Variants in DDX10 observed in about 807,000 individuals in gnomAD.
The protein encoded by DDX10 is probable ATP-dependent RNA helicase DDX10.
DDX10 carries 74 observed loss-of-function variants against 104.3 expected under a neutral mutation model. That is an observed-to-expected ratio of 0.71 (90% CI 0.59 to 0.86). DDX10 has a LOEUF of 0.86. Among genes scored for constraint, DDX10 ranks in the 40% least tolerant of loss-of-function variants. The pLI is 0.00. For missense variants in DDX10, 952 were observed against 1,040.0 expected (o/e 0.92, Z 1.16); for synonymous variants, 351 against 353.4 (o/e 0.99, Z 0.08).
intron 16 of DDX10, among the ~76,000 whole-genome samples, chr11:108,872,583 C>T (rs978527733): frequency 6.6e-6 from 1 of 152,130 alleles, no homozygotes; most frequent in Admixed American, 6.5e-5. Flanking sequence ...CTTGTTTTAA[C>T]AGCAAAAATA....
At chr11:108,735,170 A>T (rs1459230976) in intron 13 of DDX10, among the ~76,000 whole-genome samples, 9 of 152,220 alleles carry the variant, frequency 5.9e-5, no homozygotes, top group Admixed American at 5.2e-4. Flanking sequence ...GGTGACAGTT[A>T]GAATTAAATC....
At chr11:108,697,910 T>C (rs2134454581) in intron 9 of DDX10, among the ~76,000 whole-genome samples, 1 of 152,304 alleles carries the variant, frequency 6.6e-6, no homozygotes, top group Middle Eastern at 3.4e-3. Flanking sequence ...GGGTAGAAGA[T>C]GGGCATTTAT....
intron 8 of DDX10, 81 bp from the exon 9 acceptor site, chr11:108,693,435 C>T (rs1401584959): frequency 2.0e-6 from 2 of 996,588 alleles, no homozygotes; most frequent in Non-Finnish European, 3.2e-6. Flanking sequence ...AAAGTCCTGG[C>T]AAGCAATATT....
intron 1 of DDX10, among the ~76,000 whole-genome samples, chr11:108,667,343 G>C (rs2094211404): frequency 1.3e-5 from 2 of 152,216 alleles, no homozygotes; most frequent in Admixed American, 6.5e-5. Flanking sequence ...CTGCTAGAAT[G>C]ATTCTTTCCA....
intron 10 of DDX10, among the ~76,000 whole-genome samples, chr11:108,713,659 G>A (rs2134467558): frequency 6.6e-6 from 1 of 152,272 alleles, no homozygotes; most frequent in South Asian, 2.1e-4. Context: ...TGGTTATGAT[G>A]CTTGCTCTGT....
At chr11:108,857,200 A>G (rs190219901) in intron 16 of DDX10, among the ~76,000 whole-genome samples, 3 of 151,660 alleles carry the variant, frequency 2.0e-5, no homozygotes, top group East Asian at 1.9e-4. Flanking sequence ...TTCTTTTTCT[A>G]TGTAAAAACA....
intron 13 of DDX10, among the ~76,000 whole-genome samples, chr11:108,776,324 A>G (rs890051297): frequency 7.9e-5 from 12 of 152,172 alleles, no homozygotes; most frequent in African/African-American, 2.4e-4. Context: ...CTGTCAGCCA[A>G]GAATTTGTGG....
chr11:108,687,271 T>C (rs2087941986), intron 6 of DDX10, among the ~76,000 whole-genome samples: 1 of 152,156 alleles, frequency 6.6e-6, no homozygotes, highest in South Asian at 2.1e-4. Context: ...TTTAATTAAC[T>C]TTTGCCTGTT....
At position 108,701,675 on chromosome 11, in the gene DDX10, C is replaced by CTTTTTTTTT. The variant is rs55916940; in HGVS notation, c.1224-5047_1224-5039dup. On this transcript the variant is annotated intron_variant, in intron 9 of 17. Coordinates refer to ENST00000322536, the MANE Select transcript of DDX10 (RefSeq NM_004398.4). Reference sequence around the variant, plus strand: ...GGTGTTTTTTCTTTCTTCTTCTTCTCTTTTTTTTTTTTTTTTTTTTTTTTT... The same window carrying CTTTTTTTTT: ...GGTGTTTTTTCTTTCTTCTTCTTCTCTTTTTTTTTTTTTTTTTTTTTTTTTTTTTTTTTT... Among the ~76,000 whole-genome samples the CTTTTTTTTT allele has an allele frequency of 3.9e-3, 301 of 77,416 alleles. 3 individuals are homozygous for CTTTTTTTTT. Among genetic ancestry groups the CTTTTTTTTT allele is most frequent in the East Asian group, 4.4e-3 (10 of 2,256 alleles). 50.8% of individuals were successfully genotyped at this position (77,416 alleles called of 152,430 possible).
chr11:108,812,642 A>G lies in DDX10; in HGVS notation c.1966-25804A>G, dbSNP rs1169371262. Among the ~76,000 whole-genome samples the G allele has an allele frequency of 3.3e-5, 5 of 152,170 alleles. No individual in the cohort carries two copies. The East Asian group carries it at 9.6e-4, about 29-fold the overall frequency. ...GATTGATTATAGCATGTGCTAAAAG[A>G]TGTAAAATGGAGATTTCTGAAATTG... On this transcript the variant is annotated intron_variant, in intron 13 of 17. Transcript: ENST00000322536.
intron 13 of DDX10, among the ~76,000 whole-genome samples, chr11:108,729,150 C>A (rs114140287): frequency 0.011 from 1,713 of 152,124 alleles, 34 homozygotes; most frequent in African/African-American, 0.039. Flanking sequence ...AAAAATTTTA[C>A]CCCCAAATGA....
chr11:108,701,282 G>A lies in DDX10; in HGVS notation c.1224-5457G>A, dbSNP rs922558437. On this transcript the variant is annotated intron_variant, in intron 9 of 17. Coordinates refer to ENST00000322536, the MANE Select transcript of DDX10 (RefSeq NM_004398.4). ...CCCTTATGGCTGTCTTTCTGCACCT[G>A]CATAACAGACTGCACTGTTCTCCCC... Among the ~76,000 whole-genome samples the A allele has an allele frequency of 2.0e-5, 3 of 152,084 alleles. No homozygotes were observed. The South Asian group carries it at 6.2e-4, about 32-fold the overall frequency.
chr11:108,689,052 G>T lies in DDX10; in HGVS notation c.965G>T (p.Ser322Ile). 1 of 1,613,960 alleles carries T rather than the reference G, an allele frequency of 6.2e-7. No homozygotes were observed. The highest frequency in any genetic ancestry group is 1.1e-5 in the South Asian group (1 of 91,034). ...AAGAAGAGCATTGTATTTTTTTCCA[G>T]TTGCAAAGAGGTATTGGCTGTTTAT... ...LKKKSIVFFS[S>I]CKEVQYLYRV... The change falls in exon 7 of 18, where the codon AGT becomes ATT. Residue 322 changes from serine (S) to isoleucine (I), a missense_variant. Physicochemically the swap from Ser to Ile is moderately radical, Grantham distance 142. This residue lies in a region of DDX10 where 412 missense variants were observed against 479.2 expected (regional missense o/e 0.86). Transcript: ENST00000322536.
chr11:108,734,319 T>C (rs2094315815), intron 13 of DDX10, among the ~76,000 whole-genome samples: 3 of 152,160 alleles, frequency 2.0e-5, no homozygotes, highest in African/African-American at 7.2e-5. Flanking sequence ...TGAAATAGTT[T>C]GGTATATATG....
intron 13 of DDX10, chr11:108,767,184 T>A (rs148937417): frequency 4.3e-4 from 65 of 152,318 alleles, no homozygotes; most frequent in African/African-American, 1.5e-3. Context: ...TCTCTGGACT[T>A]ATCTTACTGA....
chr11:108,807,197 T>G (rs1301931054), intron 13 of DDX10, among the ~76,000 whole-genome samples: 1 of 151,936 alleles, frequency 6.6e-6, no homozygotes, highest in African/African-American at 2.4e-5. Flanking sequence ...GCCTCCTAAG[T>G]TTTGTACCTG....
intron 13 of DDX10, among the ~76,000 whole-genome samples, chr11:108,828,025 A>G (rs968247672): frequency 1.3e-5 from 2 of 152,168 alleles, no homozygotes; most frequent in Non-Finnish European, 2.9e-5. Flanking sequence ...AGAACTTTTC[A>G]TTTTTCAGAT....
chr11:108,719,146 G>A (rs1436101236), intron 11 of DDX10, among the ~76,000 whole-genome samples: 5 of 134,326 alleles, frequency 3.7e-5, no homozygotes, highest in Non-Finnish European at 6.2e-5. Context: ...AATATTCCAA[G>A]TTAATGATGA....
intron 2 of DDX10, 46 bp from the exon 3 acceptor site, chr11:108,675,550 C>T (rs1467224180): frequency 6.3e-7 from 1 of 1,597,992 alleles, no homozygotes; most frequent in East Asian, 2.2e-5. Flanking sequence ...ATAATACCAT[C>T]CTACAGGGAT....
Sources: gnomAD v4.1 joint callset for allele counts (sites outside exome capture counted in the v4.1 genomes callset) on GRCh38, gnomAD v4.1.1 for gene constraint, gnomAD v4.1.1 regional missense constraint, MANE v1.5 for transcripts, NCBI Gene and HGNC (gene_info 2026-07-23, HGNC 2026-07-21) for gene names.